IQCH: variants seen among roughly 807,000 people sequenced by gnomAD.
IQCH encodes the protein IQ motif containing H, also known as IQ domain-containing protein H.
A neutral mutation model predicts 117.0 loss-of-function variants in IQCH; 98 were observed. The observed-to-expected ratio is 0.84, with a 90% CI of 0.71 to 0.99. The LOEUF (loss-of-function observed/expected upper bound fraction) is 0.99, where lower values mean the gene tolerates loss of function less well. Ranked by LOEUF, IQCH falls within the 50% of genes least tolerant of loss-of-function variation. IQCH has a pLI of 0.00. For synonymous variants in IQCH, 412 were observed against 448.2 expected (o/e 0.92, Z 1.02); for missense variants, 1,102 against 1,243.8 (o/e 0.89, Z 1.72).
chr15:67,254,944 C>A lies in IQCH; in HGVS notation c.48C>A (p.Ile16=). 1 of 1,613,494 alleles carries A rather than the reference C, an allele frequency of 6.2e-7. No individual in the cohort carries two copies. The highest frequency in any genetic ancestry group is 1.3e-5 in the African/African-American group (1 of 75,044). The part of the protein sequence containing the change: ...ENHDPVGSIL[I]QIHEDLYQLK... ...ACGACCCTGTCGGATCCATCTTAAT[C>A]CAGGTGGGAAACGGGCTTCCCCCGG... Residue 16 remains isoleucine (I), a synonymous_variant, in exon 1 of 21, where the codon ATC becomes ATA. Coordinates refer to ENST00000335894, the MANE Select transcript of IQCH (RefSeq NM_001031715.3).
In IQCH at chr15:67,254,834, G is replaced by T; in HGVS notation, c.-63G>T. ...TGTTGCCATGGGGACGAGCGGCTCCGGCTGAAGGTTTCCGTGCTTGGAAAC... is the reference window on the plus strand; with the variant it reads ...TGTTGCCATGGGGACGAGCGGCTCCTGCTGAAGGTTTCCGTGCTTGGAAAC... On this transcript the variant is annotated 5_prime_UTR_variant, in exon 1 of 21. Coordinates refer to ENST00000335894, the MANE Select transcript of IQCH (RefSeq NM_001031715.3). 1 of 1,548,934 alleles carries T rather than the reference G, an allele frequency of 6.5e-7. No individual in the cohort carries two copies. The highest frequency in any genetic ancestry group is 1.8e-5 in the Admixed American group (1 of 56,510).
Position 67,369,125 on chromosome 15 carries a change from A to G in IQCH, c.754-2986A>G, listed in dbSNP as rs111559730. Among the ~76,000 whole-genome samples the G allele has an allele frequency of 5.4e-4, 82 of 152,348 alleles. 1 individual carries two copies. The highest frequency in any genetic ancestry group is 1.9e-3 in the African/African-American group (79 of 41,572). On this transcript the variant is annotated intron_variant, in intron 8 of 20. Coordinates refer to ENST00000335894, the MANE Select transcript of IQCH (RefSeq NM_001031715.3). This position sits in a 1 kb window ranked among gnomAD's most constrained non-coding sequence, Gnocchi z 5.2. ...ACATCTGTGACTTACTAACATATGT[A>G]ATCATCATCCTGCTTTCCTGTTTTT...
rs139622458 is a variant in IQCH, at chr15:67,343,177, T to G, written c.509-886T>G. ...AGAAGGGACCAAGTTGTGTGCCAAA[T>G]TCTTCAACTTAGGCCAACTTGAATA... On this transcript the variant is annotated intron_variant, in intron 5 of 20. Coordinates refer to ENST00000335894, the MANE Select transcript of IQCH (RefSeq NM_001031715.3). 1.7e-4 allele frequency among the ~76,000 whole-genome samples: 26 copies of G among 152,274 alleles called. No individual in the cohort carries two copies. In the East Asian group the frequency reaches 4.2e-3, roughly 25 times the overall value.
At chr15:67,392,431 T>C (rs1971317018) in intron 12 of IQCH, among the ~76,000 whole-genome samples, 1 of 152,166 alleles carries the variant, frequency 6.6e-6, no homozygotes, top group African/African-American at 2.4e-5. Context: ...CTGGCCATTG[T>C]CAAATGGAAC....
At position 67,432,388 on chromosome 15, in the gene IQCH, A is replaced by G. The variant is rs2140944424; in HGVS notation, c.2505+10811A>G. ...TCAGCCTAGAATAAAAAAAAATCTG[A>G]AAATATTTTCATTGCAATGGCAATG... On this transcript the variant is annotated intron_variant, in intron 16 of 20. Coordinates refer to ENST00000335894, the MANE Select transcript of IQCH (RefSeq NM_001031715.3). This position sits in a 1 kb window ranked among gnomAD's most constrained non-coding sequence, Gnocchi z 5.0. Among the ~76,000 whole-genome samples the G allele has an allele frequency of 6.6e-6, 1 of 152,292 alleles. No homozygotes were observed. The highest frequency in any genetic ancestry group is 2.4e-5 in the African/African-American group (1 of 41,558).
At chr15:67,284,332 A>G (rs146233266) in intron 4 of IQCH, among the ~76,000 whole-genome samples, 375 of 152,266 alleles carry the variant, frequency 2.5e-3, no homozygotes, top group African/African-American at 7.4e-3. Context: ...CACTTAACAT[A>G]ATGAAGTCCA....
intron 6 of IQCH, among the ~76,000 whole-genome samples, chr15:67,349,063 A>G (rs961132110): frequency 6.6e-6 from 1 of 152,222 alleles, no homozygotes; most frequent in Admixed American, 6.5e-5. Flanking sequence ...TATAAAAGGG[A>G]AAAAAAGAAC....
At chr15:67,389,930 G>T (rs1971231803) in intron 12 of IQCH, among the ~76,000 whole-genome samples, 2 of 151,020 alleles carry the variant, frequency 1.3e-5, no homozygotes, top group Admixed American at 6.6e-5. Flanking sequence ...TGCCAGGACT[G>T]GGGGAGTTTC....
rs767096826 is a variant in IQCH at position 67,384,942 on chromosome 15, C to T, written c.1379C>T (p.Ser460Phe). ...TIIHIPSLGY[S>F]QPVREHIADF... ...CACCTTGTTTGCCTTTTAGGGTATT[C>T]CCAGCCTGTGAGAGAACATATTGCC... Residue 460 changes from serine to phenylalanine, a missense_variant, in exon 11 of 21, where the codon TCC becomes TTC. By Grantham distance (155) the Ser-to-Phe change is radical. Coordinates refer to ENST00000335894, the MANE Select transcript of IQCH (RefSeq NM_001031715.3). The surrounding 1 kb of genome is among the most constrained non-coding windows in gnomAD (Gnocchi z 4.3). 1.2e-6 allele frequency: 2 copies of T among 1,609,020 alleles called. No homozygotes were observed. Among genetic ancestry groups the T allele is most frequent in the South Asian group, 2.2e-5 (2 of 90,902 alleles).
Position 67,476,615 on chromosome 15 carries a change from T to C in IQCH, c.2799+797T>C, listed in dbSNP as rs200132170. On this transcript the variant is annotated intron_variant, in intron 18 of 20. Transcript: ENST00000335894. The surrounding 1 kb of genome is among the most constrained non-coding windows in gnomAD (Gnocchi z 4.1). ...TATTTCCAATGATACCGGGGGCCCC[T>C]GCATAGCTGCTTTATCCTGATGTAG... is the stretch of plus-strand genomic sequence containing the variant. Among the ~76,000 whole-genome samples the C allele has an allele frequency of 7.2e-5, 11 of 152,296 alleles. No individual in the cohort carries two copies. In the East Asian group the frequency reaches 2.1e-3, roughly 29 times the overall value.
In IQCH at chr15:67,372,298, T is replaced by C. The variant is rs1242006732; in HGVS notation, c.941T>C (p.Ile314Thr). 1 of 1,614,000 alleles carries C rather than the reference T, an allele frequency of 6.2e-7. No individual in the cohort carries two copies. The highest frequency in any genetic ancestry group is 1.3e-5 in the African/African-American group (1 of 74,910). ...GAGAAGTTTCTCAGGAACTATGCTA[T>C]ACCAGAAGTCAAAATAAAAGGGAAT... ...HVEKFLRNYA[I>T]PEVKIKGNNL... is the part of the protein sequence containing the mutation. Residue 314 changes from isoleucine to threonine, a missense_variant, in exon 9 of 21, where the codon ATA becomes ACA. Ile to Thr is a moderately conservative substitution (Grantham distance 89). Transcript: ENST00000335894.
intron 16 of IQCH, among the ~76,000 whole-genome samples, chr15:67,446,550 G>A (rs1378057390): frequency 6.6e-6 from 1 of 152,148 alleles, no homozygotes; most frequent in Non-Finnish European, 1.5e-5. Flanking sequence ...AGCCTCTGGG[G>A]TGGAGCTCAG....
At chr15:67,499,601 G>C (rs553946788) in intron 20 of IQCH, among the ~76,000 whole-genome samples, 1 of 152,036 alleles carries the variant, frequency 6.6e-6, no homozygotes, top group South Asian at 2.1e-4. Context: ...CCATTTCTAG[G>C]TATATGTCTA....
chr15:67,353,288 T>G (rs962705589), intron 6 of IQCH, among the ~76,000 whole-genome samples: 1 of 151,422 alleles, frequency 6.6e-6, no homozygotes, highest in African/African-American at 2.4e-5. Context: ...AAGCAGACAT[T>G]AAGAAAGTAA....
In IQCH at chr15:67,387,520, A is replaced by G. The variant is rs2140836411; in HGVS notation, c.1457-1311A>G. 6.6e-6 allele frequency among the ~76,000 whole-genome samples: 1 copy of G among 152,292 alleles called. No individual in the cohort carries two copies. The highest frequency in any genetic ancestry group is 1.5e-5 in the Non-Finnish European group (1 of 68,016). On this transcript the variant is annotated intron_variant, in intron 11 of 20. Transcript: ENST00000335894. This position sits in a 1 kb window ranked among gnomAD's most constrained non-coding sequence, Gnocchi z 4.8. ...TGGAAAGACAAGATTAATAGATTGGAAACAATAGGATAGAACCACAGAGAA... is the reference window on the plus strand; with the variant it reads ...TGGAAAGACAAGATTAATAGATTGGGAACAATAGGATAGAACCACAGAGAA...
intron 9 of IQCH, 40 bp downstream of exon 9, chr15:67,372,702 C>A (rs752688945): frequency 9.2e-6 from 14 of 1,516,928 alleles, no homozygotes; most frequent in Non-Finnish European, 1.2e-5. Flanking sequence ...ACCTCTTTTT[C>A]TAAACATTTC....
intron 14 of IQCH, among the ~76,000 whole-genome samples, chr15:67,409,714 A>C (rs1325334474): frequency 6.6e-6 from 1 of 152,258 alleles, no homozygotes; most frequent in African/African-American, 2.4e-5. Flanking sequence ...TTAGCTATCG[A>C]GGGAAAATTG....
chr15:67,372,719 G>C, intron 9 of IQCH, 57 bp downstream of exon 9: 1 of 1,453,294 alleles, frequency 6.9e-7, no homozygotes, highest in Non-Finnish European at 9.3e-7. Flanking sequence ...TTTCGTGCTT[G>C]AGCGGTTGTA....
At position 67,400,214 on chromosome 15, in the gene IQCH, G is replaced by A; in HGVS notation, c.2006G>A (p.Cys669Tyr). 1 of 1,613,522 alleles carries A rather than the reference G, an allele frequency of 6.2e-7. No individual in the cohort carries two copies. Among genetic ancestry groups the A allele is most frequent in the Non-Finnish European group, 8.5e-7 (1 of 1,179,546 alleles). Reference protein sequence around the residue: ...SEFRGNGTAFCDIPSYLKCYK... With the variant: ...SEFRGNGTAFYDIPSYLKCYK... ...TTCCGAGGAAATGGGACTGCATTTT[G>A]TGATATTCCTTCCTACCTAAAGTGC... Residue 669 changes from cysteine (C) to tyrosine (Y), a missense_variant, in exon 14 of 21, where the codon TGT (cysteine) becomes TAT (tyrosine). Cys to Tyr is a radical substitution (Grantham distance 194). This residue lies in a region of IQCH where 650 missense variants were observed against 794.3 expected (regional missense o/e 0.82). Transcript: ENST00000335894.
Sources: gnomAD v4.1 joint callset for allele counts (sites outside exome capture counted in the v4.1 genomes callset) on GRCh38, gnomAD v4.1.1 for gene constraint, gnomAD v4.1.1 regional missense constraint, Gnocchi (gnomAD v3.1) non-coding constraint, MANE v1.5 for transcripts, NCBI Gene and HGNC (gene_info 2026-07-23, HGNC 2026-07-21) for gene names.